The following ZBTB20 variants were observed in gnomAD, a reference collection of about 807,000 sequenced individuals.
The protein encoded by ZBTB20 is zinc finger and BTB domain containing 20.
A neutral mutation model predicts 56.9 loss-of-function variants in ZBTB20; 9 were observed. The ratio of observed to expected loss-of-function variants is 0.16; its 90% confidence interval spans 0.10 to 0.28. ZBTB20 has a LOEUF of 0.28. Ranked by LOEUF, ZBTB20 falls within the 10% of genes least tolerant of loss-of-function variation. ZBTB20 has a pLI of 1.00. For missense variants in ZBTB20, 655 were observed against 1,003.0 expected (o/e 0.65, Z 4.69); for synonymous variants, 417 against 420.7 (o/e 0.99, Z 0.11).
chr3:114,873,191 G>C (rs2076070474), intron 4 of ZBTB20: 2 of 152,100 alleles, frequency 1.3e-5, no homozygotes, highest in African/African-American at 4.8e-5. Context: ...AGCTCCACGA[G>C]GCCAGGTATC....
intron 2 of ZBTB20, among the ~76,000 whole-genome samples, chr3:114,998,361 T>C (rs537566378): frequency 9.9e-5 from 15 of 151,872 alleles, no homozygotes; most frequent in Admixed American, 8.6e-4. Context: ...ACAAAAGAAT[T>C]TGTGACCTCT....
chr3:114,795,522 T>C (rs951364651), intron 5 of ZBTB20, among the ~76,000 whole-genome samples: 4 of 152,074 alleles, frequency 2.6e-5, no homozygotes. Context: ...ATGCAGTTTC[T>C]GTCTGGAGCT....
rs1553783036 is a variant in ZBTB20 at position 114,325,948 on chromosome 3, T to G, written c.*13057A>C. On this transcript the variant is annotated 3_prime_UTR_variant, in exon 12 of 12. Coordinates refer to ENST00000675478, the MANE Select transcript of ZBTB20 (RefSeq NM_001348800.3). ...GTATAGATGGGTGAAGTACTGGCAA[T>G]GCAGTGCCAATCTCCCTCTGTTACT... is the stretch of plus-strand genomic sequence containing the variant. 1 of 152,026 alleles carries G rather than the reference T, an allele frequency of 6.6e-6. No homozygotes were observed. The highest frequency in any genetic ancestry group is 1.5e-5 in the Non-Finnish European group (1 of 68,006). The allele number at this position is 152,026 out of a possible 1,614,324, so 9.4% of individuals were successfully genotyped here.
intron 7 of ZBTB20, among the ~76,000 whole-genome samples, chr3:114,390,762 T>C (rs2085785801): frequency 6.6e-6 from 1 of 152,262 alleles, no homozygotes; most frequent in Non-Finnish European, 1.5e-5. Context: ...TCAGTGTTTA[T>C]ATAGCATCTA....
chr3:114,718,909 A>G (rs1204098397), intron 5 of ZBTB20, among the ~76,000 whole-genome samples: 3 of 151,886 alleles, frequency 2.0e-5, no homozygotes, highest in Non-Finnish European at 2.9e-5. Context: ...TTATACACAT[A>G]TGTATTTATT....
intron 4 of ZBTB20, among the ~76,000 whole-genome samples, chr3:114,867,502 C>G (rs1449711066): frequency 6.6e-6 from 1 of 152,176 alleles, no homozygotes; most frequent in Admixed American, 6.5e-5. Context: ...CTGGCACAAT[C>G]TCGTCTCATT....
At chr3:114,993,399 T>C (rs943545097) in intron 2 of ZBTB20, among the ~76,000 whole-genome samples, 1 of 151,906 alleles carries the variant, frequency 6.6e-6, no homozygotes, top group Non-Finnish European at 1.5e-5. Flanking sequence ...AGTAAAGATA[T>C]AGAAGATTTA....
At chr3:114,346,445 G>C (rs942019474) in intron 11 of ZBTB20, among the ~76,000 whole-genome samples, 38 of 147,482 alleles carry the variant, frequency 2.6e-4, no homozygotes, top group Non-Finnish European at 5.6e-4. Context: ...TAAACTCAAA[G>C]AAATAGACAG....
At chr3:114,760,052 A>G (rs986137972) in intron 5 of ZBTB20, among the ~76,000 whole-genome samples, 1 of 152,186 alleles carries the variant, frequency 6.6e-6, no homozygotes, top group African/African-American at 2.4e-5. Context: ...ATTTCCCTCA[A>G]AGTGACTAGA....
At chr3:114,373,936 A>G (rs1270251293) in intron 10 of ZBTB20, among the ~76,000 whole-genome samples, 1 of 152,206 alleles carries the variant, frequency 6.6e-6, no homozygotes, top group Non-Finnish European at 1.5e-5. Flanking sequence ...TAAAAAATAG[A>G]GGTAGATTAA....
chr3:114,770,921 A>G (rs1210485215), intron 5 of ZBTB20, among the ~76,000 whole-genome samples: 9 of 152,196 alleles, frequency 5.9e-5, no homozygotes, highest in Admixed American at 3.3e-4. Flanking sequence ...CATCATGTCC[A>G]TGTTCAAAAC....
chr3:114,733,642 T>C (rs571466990), intron 5 of ZBTB20, among the ~76,000 whole-genome samples: 6 of 152,302 alleles, frequency 3.9e-5, no homozygotes, highest in African/African-American at 1.4e-4. Flanking sequence ...TCTTGGGAGC[T>C]TCCAAAACTA....
chr3:114,606,941 T>TA (rs1459960873), intron 6 of ZBTB20, among the ~76,000 whole-genome samples: 1 of 151,634 alleles, frequency 6.6e-6, no homozygotes, highest in African/African-American at 2.4e-5. Flanking sequence ...ACTAAAAAAA[T>TA]ACAAAAATTA....
chr3:114,373,630 G>C (rs886590808), intron 10 of ZBTB20, among the ~76,000 whole-genome samples: 3 of 151,912 alleles, frequency 2.0e-5, no homozygotes, highest in Non-Finnish European at 2.9e-5. Flanking sequence ...CTTTCCTCGG[G>C]GGCTCTGTAG....
rs115609682 is a variant in ZBTB20 at position 114,491,613 on chromosome 3, C to A, written c.-255+8739G>T. ...CACTTGTACTCAGGATTCCATCTCT[C>A]TGGCCTTATCAGTAATCTTATACTG... On this transcript the variant is annotated intron_variant, in intron 7 of 11. Transcript: ENST00000675478. Among the ~76,000 whole-genome samples, 657 of 152,302 alleles carry A rather than the reference C, an allele frequency of 4.3e-3. 3 individuals carry two copies. Among genetic ancestry groups the A allele is most frequent in the African/African-American group, 0.015 (610 of 41,552 alleles).
chr3:114,572,514 G>T (rs2053548866), intron 6 of ZBTB20, among the ~76,000 whole-genome samples: 1 of 152,200 alleles, frequency 6.6e-6, no homozygotes, highest in African/African-American at 2.4e-5. Context: ...TTCTGAAAAA[G>T]AGACAAGCTT....
At chr3:114,504,368 T>C (rs1039643603) in intron 6 of ZBTB20, among the ~76,000 whole-genome samples, 1 of 151,986 alleles carries the variant, frequency 6.6e-6, no homozygotes, top group Admixed American at 6.6e-5. Flanking sequence ...TGGATATGAG[T>C]ATACCCAGGA....
At chr3:114,711,418 T>C (rs574719913) in intron 5 of ZBTB20, among the ~76,000 whole-genome samples, 11 of 152,300 alleles carry the variant, frequency 7.2e-5, no homozygotes, top group Non-Finnish European at 1.2e-4. Flanking sequence ...AAATAGGAAA[T>C]CTTTATTCTG....
At chr3:114,913,210 A>C (rs1319507575) in intron 3 of ZBTB20, among the ~76,000 whole-genome samples, 1 of 151,994 alleles carries the variant, frequency 6.6e-6, no homozygotes. Flanking sequence ...ACAGTGTACA[A>C]AGATTCTCTT....
Sources: allele counts gnomAD v4.1 joint callset (sites outside exome capture counted in the v4.1 genomes callset), GRCh38; gene constraint gnomAD v4.1.1; transcripts MANE v1.5; gene names NCBI Gene and HGNC (gene_info 2026-07-23, HGNC 2026-07-21).